SLC1A7: variants seen among roughly 807,000 people sequenced by gnomAD.
SLC1A7 encodes the protein solute carrier family 1 member 7, also known as excitatory amino acid transporter 5.
Under a neutral mutation model 47.7 loss-of-function variants are expected in SLC1A7, and 40 were observed. That is an observed-to-expected ratio of 0.84 (90% CI 0.65 to 1.09). The LOEUF is 1.09. Among genes scored for constraint, SLC1A7 ranks in the 50% least tolerant of loss-of-function variants. The pLI, the probability that SLC1A7 is intolerant of heterozygous loss-of-function variation, is 0.00. For synonymous variants in SLC1A7, 323 were observed against 325.6 expected, an observed-to-expected ratio of 0.99 and a Z score of 0.09; for missense variants, 746 against 769.5, an observed-to-expected ratio of 0.97 and a Z score of 0.36.
rs1221077728 is a variant in SLC1A7, at chr1:53,093,480, T to A, written c.778A>T (p.Ile260Phe). 2 of 1,610,994 alleles carry A rather than the reference T, an allele frequency of 1.2e-6. No individual in the cohort carries two copies. The highest frequency in any genetic ancestry group is 4.5e-5 in the East Asian group (2 of 44,832). ...GCTTACCACACAGCCACCGCCACGA[T>A]CTTCATGACCGACTCATTGAGGCAC... ...CQCLNESVMK[I>F]VAVAVWYFPF... The change falls in exon 6 of 11, where the codon ATC (isoleucine) becomes TTC (phenylalanine). Residue 260 changes from isoleucine to phenylalanine, a missense_variant. Transcript: ENST00000371494.
At chr1:53,114,604 T>C (rs367998166) in intron 3 of SLC1A7, 154 bp downstream of exon 3, 2 of 647,432 alleles carry the variant, frequency 3.1e-6, no homozygotes, top group African/African-American at 3.6e-5. Context: ...CGATGCAGCA[T>C]GAGCCCAGCG....
At chr1:53,111,328 T>C (rs1644699038) in intron 3 of SLC1A7, among the ~76,000 whole-genome samples, 1 of 149,038 alleles carries the variant, frequency 6.7e-6, no homozygotes. Flanking sequence ...AAAGGGAGAG[T>C]TGGGGCGGAG....
intron 2 of SLC1A7, 29 bp from the exon 3 acceptor site, chr1:53,115,002 G>C: frequency 6.3e-7 from 1 of 1,578,954 alleles, no homozygotes; most frequent in Non-Finnish European, 8.7e-7. Flanking sequence ...CAGGGGCTGT[G>C]GTGGGGAGGC....
intron 1 of SLC1A7, among the ~76,000 whole-genome samples, chr1:53,136,615 T>TAAAAAC (rs1255880767): frequency 2.1e-5 from 3 of 140,696 alleles, no homozygotes; most frequent in Admixed American, 1.5e-4. Context: ...ATATATAATA[T>TAAAAAC]ATATAAACAT....
chr1:53,103,294 G>T lies in SLC1A7; in HGVS notation c.697+52C>A. ...GAGGTGGAGGAGCAGGCTGCTGGGAGGGGCTGGGGGCCCGGCTCCACGGCA... is the reference window on the plus strand; with the variant it reads ...GAGGTGGAGGAGCAGGCTGCTGGGATGGGCTGGGGGCCCGGCTCCACGGCA... On this transcript the variant is annotated intron_variant, in intron 5 of 10. Coordinates refer to ENST00000371494, the MANE Select transcript of SLC1A7 (RefSeq NM_006671.6). The T allele has an allele frequency of 1.1e-5, 15 of 1,377,676 alleles. 1 individual carries two copies. Among genetic ancestry groups the T allele is most frequent in the Non-Finnish European group, 1.5e-5 (15 of 1,007,056 alleles). The allele number at this position is 1,377,676 out of a possible 1,614,324, so 85.3% of individuals were successfully genotyped here. A position where few individuals can be genotyped will look rare whatever the true frequency, so the allele number is the denominator to read the frequency against.
rs183507860 is a variant in SLC1A7, at chr1:53,115,101, A to C, written c.216-128T>G. 2,938 of 707,354 alleles carry C rather than the reference A, an allele frequency of 4.2e-3. 17 individuals are homozygous for C. Among genetic ancestry groups the C allele is most frequent in the Middle Eastern group, 7.1e-3 (19 of 2,664 alleles). The allele number at this position is 707,354 out of a possible 1,614,324, so 43.8% of individuals were successfully genotyped here. A position where few individuals can be genotyped will look rare whatever the true frequency, so the allele number is the denominator to read the frequency against. On this transcript the variant is annotated intron_variant, in intron 2 of 10. Transcript: ENST00000371494. ...TGCTCCAGGGAACCCCATTCTTCCA[A>C]CAATCCAGTCCTGTGCTCCTTCCAG...
chr1:53,128,850 T>C (rs1644910334), intron 2 of SLC1A7, among the ~76,000 whole-genome samples: 1 of 142,048 alleles, frequency 7.0e-6, no homozygotes, highest in Non-Finnish European at 1.6e-5. Flanking sequence ...ATGACACATC[T>C]GAGGAGCCTG....
chr1:53,117,894 A>G (rs886251867), intron 2 of SLC1A7, among the ~76,000 whole-genome samples: 1 of 152,240 alleles, frequency 6.6e-6, no homozygotes, highest in Non-Finnish European at 1.5e-5. Context: ...GAGAGCACCC[A>G]TGGACGAAAT....
At chr1:53,105,709 C>T in intron 4 of SLC1A7, 23 bp downstream of exon 4, 2 of 1,599,972 alleles carry the variant, frequency 1.3e-6, no homozygotes, top group South Asian at 1.1e-5. Flanking sequence ...TCCCTCCCCT[C>T]CACTGCCCAG....
In SLC1A7 at chr1:53,134,389, C is replaced by G; in HGVS notation, c.176G>C (p.Arg59Thr). 6.2e-7 allele frequency: 1 copy of G among 1,613,506 alleles called. No individual in the cohort carries two copies. Among genetic ancestry groups the G allele is most frequent in the Non-Finnish European group, 8.5e-7 (1 of 1,179,714 alleles). ...YFQFPGELLM[R>T]MLKMMILPLV... ...TGGCAGGATCATCATCTTCAGCATC[C>G]TCATCAGGAGCTCTCCAGGGAACTG... The change falls in exon 2 of 11, where the codon AGG (arginine) becomes ACG (threonine). Residue 59 changes from arginine (R) to threonine (T), a missense_variant. Transcript: ENST00000371494.
At chr1:53,113,993 G>C (rs1433492455) in intron 3 of SLC1A7, among the ~76,000 whole-genome samples, 1 of 152,068 alleles carries the variant, frequency 6.6e-6, no homozygotes, top group East Asian at 1.9e-4. Flanking sequence ...GGCAGCCCCA[G>C]CTTCCCCATT....
chr1:53,111,732 T>A (rs72907032), intron 3 of SLC1A7, among the ~76,000 whole-genome samples: 6,998 of 152,178 alleles, frequency 0.046, 507 homozygotes, highest in African/African-American at 0.16. Flanking sequence ...ACACTTTATG[T>A]GAGAATCTGG....
intron 1 of SLC1A7, among the ~76,000 whole-genome samples, chr1:53,138,588 G>T (rs1201873533): frequency 7.0e-6 from 1 of 142,414 alleles, no homozygotes; most frequent in African/African-American, 2.6e-5. Context: ...GGCTGGCCCT[G>T]AATGCCTGGG....
intron 5 of SLC1A7, among the ~76,000 whole-genome samples, chr1:53,095,560 GTACACTCACCCTGCCTCGA>G: frequency 7.0e-6 from 1 of 143,366 alleles, no homozygotes; most frequent in African/African-American, 2.7e-5. Flanking sequence ...ACTCGCCTTG[GTACACTCACCCTGCCTCGA>G]TACACTCACA....
chr1:53,095,015 C>T (rs1234938125), intron 5 of SLC1A7, among the ~76,000 whole-genome samples: 1 of 152,232 alleles, frequency 6.6e-6, no homozygotes, highest in Non-Finnish European at 1.5e-5. Flanking sequence ...ACACTGGTAT[C>T]TGCACCAACA....
chr1:53,091,068 C>T lies in SLC1A7; in HGVS notation c.1032-262G>A, dbSNP rs147528180. Reference sequence around the variant, plus strand: ...GGCTGACCCATGTCACACTGCTGTGCCGAGGGATATGGAGGTCTGAGCAGC... The same window carrying T: ...GGCTGACCCATGTCACACTGCTGTGTCGAGGGATATGGAGGTCTGAGCAGC... On this transcript the variant is annotated intron_variant, in intron 7 of 10. Transcript: ENST00000371494. 4.2e-5 allele frequency: 43 copies of T among 1,022,530 alleles called. No homozygotes were observed. The East Asian group carries it at 5.5e-4, about 13-fold the overall frequency. The allele number at this position is 1,022,530 out of a possible 1,614,324, so 63.3% of individuals were successfully genotyped here.
intron 1 of SLC1A7, among the ~76,000 whole-genome samples, chr1:53,137,301 T>C: frequency 1.7e-5 from 1 of 59,424 alleles, no homozygotes; most frequent in Non-Finnish European, 3.7e-5. Flanking sequence ...AAAAAAAAAG[T>C]GCTCTACTGA....
chr1:53,139,596 G>A (rs139520439), intron 1 of SLC1A7, among the ~76,000 whole-genome samples: 309 of 152,332 alleles, frequency 2.0e-3, no homozygotes, highest in African/African-American at 7.2e-3. Flanking sequence ...TTCAACCCCA[G>A]CCTCACCCTG....
At chr1:53,099,973 TC>T (rs1175639034) in intron 5 of SLC1A7, among the ~76,000 whole-genome samples, 1 of 149,808 alleles carries the variant, frequency 6.7e-6, no homozygotes, top group African/African-American at 2.5e-5. Context: ...TCACACCATC[TC>T]AGTACACTCA....
Sources: gnomAD v4.1 joint callset for allele counts (sites outside exome capture counted in the v4.1 genomes callset) on GRCh38, gnomAD v4.1.1 for gene constraint, MANE v1.5 for transcripts, NCBI Gene and HGNC (gene_info 2026-07-23, HGNC 2026-07-21) for gene names.